Variants in MECOM observed in about 807,000 individuals in gnomAD.
MECOM encodes the protein MDS1 and EVI1 complex locus.
A neutral mutation model predicts 116.3 loss-of-function variants in MECOM; 13 were observed. That is an observed-to-expected ratio of 0.11 (90% CI 0.07 to 0.18). The LOEUF is 0.18. Among genes scored for constraint, MECOM ranks in the 10% least tolerant of loss-of-function variants. The probability of loss-of-function intolerance (pLI) is 1.00; values close to 1 mark genes in which losing one functional copy is unlikely to be tolerated. For synonymous variants in MECOM, 528 were observed against 535.2 expected, an observed-to-expected ratio of 0.99 and a Z score of 0.19; for missense variants, 1,299 against 1,509.0, an observed-to-expected ratio of 0.86 and a Z score of 2.31.
At chr3:169,616,538 C>T (rs1770032861) in intron 1 of MECOM, among the ~76,000 whole-genome samples, 1 of 152,042 alleles carries the variant, frequency 6.6e-6, no homozygotes, top group South Asian at 2.1e-4. Flanking sequence ...AGTAGAGATG[C>T]CATGTTGGCG....
At chr3:169,338,873 AAG>A (rs1034079001) in intron 2 of MECOM, among the ~76,000 whole-genome samples, 7 of 151,902 alleles carry the variant, frequency 4.6e-5, no homozygotes, top group African/African-American at 1.7e-4. Flanking sequence ...GATCGGGAGG[AAG>A]AGAGTGATAG....
At chr3:169,607,914 A>G (rs577728552) in intron 1 of MECOM, among the ~76,000 whole-genome samples, 8 of 152,324 alleles carry the variant, frequency 5.3e-5, no homozygotes, top group Admixed American at 3.9e-4. Context: ...TATATTTTAT[A>G]ATCTACAGCC....
intron 1 of MECOM, among the ~76,000 whole-genome samples, chr3:169,604,820 T>A (rs1288866061): frequency 6.6e-6 from 1 of 152,118 alleles, no homozygotes; most frequent in Non-Finnish European, 1.5e-5. Flanking sequence ...TCCCTAAAAG[T>A]GGGCACATGA....
intron 2 of MECOM, among the ~76,000 whole-genome samples, chr3:169,321,372 T>G (rs1720824321): frequency 6.6e-6 from 1 of 151,970 alleles, no homozygotes; most frequent in Non-Finnish European, 1.5e-5. Context: ...AAACCCAGTC[T>G]CTACTATAAA....
intron 1 of MECOM, among the ~76,000 whole-genome samples, chr3:169,475,564 G>A (rs138517533): frequency 6.6e-6 from 1 of 151,914 alleles, no homozygotes; most frequent in African/African-American, 2.4e-5. Flanking sequence ...ATTAAAAATA[G>A]TGACTAAAAA....
intron 1 of MECOM, among the ~76,000 whole-genome samples, chr3:169,465,591 C>A (rs556071752): frequency 3.3e-5 from 5 of 152,108 alleles, no homozygotes; most frequent in African/African-American, 1.2e-4. Context: ...CTGTATGTGT[C>A]GACATCCATT....
At chr3:169,101,554 T>C (rs1236808585) in intron 11 of MECOM, among the ~76,000 whole-genome samples, 2 of 113,084 alleles carry the variant, frequency 1.8e-5, no homozygotes, top group Admixed American at 1.0e-4. Context: ...TCAGAAATTA[T>C]AAGCACAATT....
At chr3:169,234,913 T>C (rs1753849818) in intron 2 of MECOM, among the ~76,000 whole-genome samples, 1 of 152,202 alleles carries the variant, frequency 6.6e-6, no homozygotes. Context: ...TGTTCATGAG[T>C]TGGAAAACTC....
chr3:169,512,822 G>A lies in MECOM; in HGVS notation c.38-131298C>T, dbSNP rs1756146782. On this transcript the variant is annotated intron_variant, in intron 1 of 16. Coordinates refer to ENST00000651503, the MANE Select transcript of MECOM (RefSeq NM_004991.4). The stretch of plus-strand genomic sequence containing the variant: ...TCCCCCTTCCCACTTCTTCCTGCAG[G>A]GCCATCTCCATCCTCAACACTTTCA... Among the ~76,000 whole-genome samples, 2 of 152,042 alleles carry A rather than the reference G, an allele frequency of 1.3e-5. 1 individual carries two copies. Among genetic ancestry groups the A allele is most frequent in the South Asian group, 4.1e-4 (2 of 4,820 alleles).
rs546630976 is a variant in MECOM, at chr3:169,256,313, A to G, written c.376-112481T>C. ...CTAGGGTGCTACTGTGACGTAAAGG[A>G]TATATTACCATTTTTTCCAATTCAA... On this transcript the variant is annotated intron_variant, in intron 2 of 16. Coordinates refer to ENST00000651503, the MANE Select transcript of MECOM (RefSeq NM_004991.4). 3.9e-3 allele frequency among the ~76,000 whole-genome samples: 599 copies of G among 151,994 alleles called. 3 individuals carry two copies. Among genetic ancestry groups the G allele is most frequent in the Non-Finnish European group, 7.6e-3 (518 of 67,984 alleles).
intron 2 of MECOM, among the ~76,000 whole-genome samples, chr3:169,321,433 G>C (rs1464177308): frequency 6.6e-6 from 1 of 152,162 alleles, no homozygotes; most frequent in Non-Finnish European, 1.5e-5. Flanking sequence ...ACAGCTACTT[G>C]GGAGGCTGAG....
intron 1 of MECOM, among the ~76,000 whole-genome samples, chr3:169,454,791 A>G (rs1422601097): frequency 1.3e-5 from 2 of 152,236 alleles, no homozygotes; most frequent in Non-Finnish European, 1.5e-5. Context: ...GGTCCTTCAC[A>G]GGCAGAAAAT....
At chr3:169,542,242 C>T (rs766184723) in intron 1 of MECOM, among the ~76,000 whole-genome samples, 1 of 151,988 alleles carries the variant, frequency 6.6e-6, no homozygotes, top group Non-Finnish European at 1.5e-5. Context: ...AACTGGCTGA[C>T]CTTTCACAGC....
At chr3:169,167,357 G>A (rs1743754069) in intron 2 of MECOM, among the ~76,000 whole-genome samples, 1 of 152,162 alleles carries the variant, frequency 6.6e-6, no homozygotes, top group African/African-American at 2.4e-5. Context: ...GGGCTTTCCA[G>A]CCTTTTCTAT....
chr3:169,484,132 AT>A (rs1751796077), intron 1 of MECOM: 1 of 741,546 alleles, frequency 1.3e-6, no homozygotes, highest in South Asian at 1.7e-5. Flanking sequence ...ACAAAAAGTG[AT>A]TCTTTTTATC....
chr3:169,280,142 C>T (rs1422453657), intron 2 of MECOM, among the ~76,000 whole-genome samples: 2 of 152,178 alleles, frequency 1.3e-5, no homozygotes, highest in African/African-American at 4.8e-5. Context: ...GTCTGTGGAA[C>T]ATGCCACGGG....
intron 2 of MECOM, among the ~76,000 whole-genome samples, chr3:169,205,897 A>T (rs1749859852): frequency 6.6e-6 from 1 of 152,206 alleles, no homozygotes. Context: ...GCTAATAATA[A>T]TTGAAAATGT....
intron 1 of MECOM, among the ~76,000 whole-genome samples, chr3:169,394,412 T>C (rs1734704191): frequency 2.0e-5 from 3 of 152,154 alleles, no homozygotes; most frequent in Non-Finnish European, 4.4e-5. Flanking sequence ...AATGATCAAC[T>C]CTAAAAGTGA....
chr3:169,508,521 C>T (rs1010130774), intron 1 of MECOM, among the ~76,000 whole-genome samples: 1 of 151,958 alleles, frequency 6.6e-6, no homozygotes, highest in Non-Finnish European at 1.5e-5. Context: ...CACACTCACA[C>T]ACACACACAT....
Sources: allele counts gnomAD v4.1 joint callset (sites outside exome capture counted in the v4.1 genomes callset), GRCh38; gene constraint gnomAD v4.1.1; transcripts MANE v1.5; gene names NCBI Gene and HGNC (gene_info 2026-07-23, HGNC 2026-07-21).